Variants in C2orf69 observed in about 807,000 individuals in gnomAD.
C2orf69 encodes mitochondrial protein C2orf69.
In C2orf69, 19 loss-of-function variants were observed where a neutral mutation model predicts 29.5. That is an observed-to-expected ratio of 0.65 (90% CI 0.45 to 0.95). C2orf69 has a LOEUF of 0.95. C2orf69 is among the 40% of genes least tolerant of loss of function. The pLI is 0.00. For missense variants in C2orf69, 416 were observed against 482.1 expected, an observed-to-expected ratio of 0.86 and a Z score of 1.28; for synonymous variants, 194 against 180.0, an observed-to-expected ratio of 1.08 and a Z score of -0.62.
At chr2:199,924,177 G>A (rs185814712) in intron 1 of C2orf69, among the ~76,000 whole-genome samples, 5 of 152,312 alleles carry the variant, frequency 3.3e-5, no homozygotes, top group African/African-American at 9.6e-5. Flanking sequence ...GAAGAATGAG[G>A]TAGGAGGATG....
At chr2:199,922,216 C>G (rs989144665) in intron 1 of C2orf69, among the ~76,000 whole-genome samples, 1 of 151,684 alleles carries the variant, frequency 6.6e-6, no homozygotes, top group Non-Finnish European at 1.5e-5. Flanking sequence ...CCACTTCAGC[C>G]TCCCGAGTAG....
Position 199,924,831 on chromosome 2 carries a change from AACTT to A in C2orf69, c.334-226_334-223del, listed in dbSNP as rs1225955809. 5.3e-5 allele frequency among the ~76,000 whole-genome samples: 8 copies of A among 152,210 alleles called. 1 individual carries two copies. The highest frequency in any genetic ancestry group is 2.6e-4 in the Admixed American group (4 of 15,288). ...ACTTTTTACTGTTTCATGTAGGTAT[AACTT>A]ACTTCCTTGTCTCTTGATAGATTTC... On this transcript the variant is annotated intron_variant, in intron 1 of 1. Coordinates refer to ENST00000319974, the MANE Select transcript of C2orf69 (RefSeq NM_153689.6).
intron 1 of C2orf69, among the ~76,000 whole-genome samples, chr2:199,922,031 T>TCATATATATATATATATATATA (rs1553566021): frequency 2.5e-5 from 2 of 78,984 alleles, no homozygotes; most frequent in East Asian, 9.5e-4. Flanking sequence ...ACTGTTATTT[T>TCATATATATATATATATATATA]TATATATATA....
intron 1 of C2orf69, among the ~76,000 whole-genome samples, chr2:199,913,052 T>A (rs1188121016): frequency 1.4e-5 from 2 of 147,582 alleles, no homozygotes; most frequent in African/African-American, 2.5e-5. Context: ...AAGATATAGA[T>A]ATAGATATAT....
intron 1 of C2orf69, among the ~76,000 whole-genome samples, chr2:199,912,142 G>T (rs62178346): frequency 0.12 from 17,950 of 152,216 alleles, 1,487 homozygotes; most frequent in Middle Eastern, 0.2. Flanking sequence ...ACAGAGCGAT[G>T]GCTTTCAAAT....
chr2:199,923,193 T>C (rs1308543336), intron 1 of C2orf69, among the ~76,000 whole-genome samples: 3 of 152,254 alleles, frequency 2.0e-5, no homozygotes, highest in African/African-American at 7.2e-5. Flanking sequence ...TGTTAAGTAA[T>C]AATTTTCCAC....
At chr2:199,923,082 C>T (rs969624874) in intron 1 of C2orf69, among the ~76,000 whole-genome samples, 1 of 152,166 alleles carries the variant, frequency 6.6e-6, no homozygotes, top group Non-Finnish European at 1.5e-5. Context: ...TTTGCAGTTA[C>T]AGTTCCTTCT....
chr2:199,920,492 TTAAC>T (rs760477051), intron 1 of C2orf69, among the ~76,000 whole-genome samples: 2 of 152,162 alleles, frequency 1.3e-5, no homozygotes, highest in Non-Finnish European at 2.9e-5. Context: ...TTTTGGCTCA[TTAAC>T]TAAATAAATA....
At chr2:199,922,029 TTTTATATA>T (rs951324303) in intron 1 of C2orf69, among the ~76,000 whole-genome samples, 1 of 26,286 alleles carries the variant, frequency 3.8e-5, no homozygotes, top group African/African-American at 1.6e-4. Context: ...CCACTGTTAT[TTTTATATA>T]TATATATATA....
Position 199,926,054 on chromosome 2 carries a change from T to C in C2orf69, c.*168T>C. 1.8e-6 allele frequency: 1 copy of C among 561,448 alleles called. No individual in the cohort carries two copies. Among genetic ancestry groups the C allele is most frequent in the South Asian group, 2.6e-5 (1 of 38,096 alleles). 34.8% of individuals were successfully genotyped at this position (561,448 alleles called of 1,614,324 possible). On this transcript the variant is annotated 3_prime_UTR_variant, in exon 2 of 2. Coordinates refer to ENST00000319974, the MANE Select transcript of C2orf69 (RefSeq NM_153689.6). ...TGTAATGTGCAATAGTATTTTTTGCTTGTGAATGTGAGCAGTTATTAATTT... is the reference window on the plus strand; with the variant it reads ...TGTAATGTGCAATAGTATTTTTTGCCTGTGAATGTGAGCAGTTATTAATTT...
At chr2:199,924,752 CTAAA>C (rs1005073308) in intron 1 of C2orf69, among the ~76,000 whole-genome samples, 18 of 152,038 alleles carry the variant, frequency 1.2e-4, no homozygotes, top group Admixed American at 8.5e-4. Context: ...TATGTATATA[CTAAA>C]TAAAATTTGT....
chr2:199,918,313 G>C (rs1242701476), intron 1 of C2orf69, among the ~76,000 whole-genome samples: 1 of 151,918 alleles, frequency 6.6e-6, no homozygotes, highest in African/African-American at 2.4e-5. Context: ...TTAAAGCCTT[G>C]GGTATATAAT....
chr2:199,923,132 A>G (rs1282656485), intron 1 of C2orf69, among the ~76,000 whole-genome samples: 1 of 152,216 alleles, frequency 6.6e-6, no homozygotes, highest in Non-Finnish European at 1.5e-5. Context: ...GAGTTCCTTC[A>G]GGTCCTTTCA....
At chr2:199,912,510 A>G (rs2077268814) in intron 1 of C2orf69, among the ~76,000 whole-genome samples, 2 of 152,234 alleles carry the variant, frequency 1.3e-5, no homozygotes, top group African/African-American at 2.4e-5. Flanking sequence ...CTGCATTTCA[A>G]GTGCTCAGTA....
rs1050353795 is a variant in C2orf69, at chr2:199,927,123, T to C, written c.*1237T>C. ...ACACTGCTACATAATTTGGGTGAAG[T>C]TTCCTTCTGCCCGTTTTTCTTGACC... On this transcript the variant is annotated 3_prime_UTR_variant, in exon 2 of 2. Transcript: ENST00000319974. 2 of 152,168 alleles carry C rather than the reference T, an allele frequency of 1.3e-5. No homozygotes were observed. The highest frequency in any genetic ancestry group is 2.9e-5 in the Non-Finnish European group (2 of 68,002). The allele number at this position is 152,168 out of a possible 1,614,324, so 9.4% of individuals were successfully genotyped here. A position where few individuals can be genotyped will look rare whatever the true frequency, so the allele number is the denominator to read the frequency against.
At chr2:199,920,787 T>C (rs1220860146) in intron 1 of C2orf69, among the ~76,000 whole-genome samples, 2 of 150,996 alleles carry the variant, frequency 1.3e-5, no homozygotes, top group Admixed American at 6.6e-5. Context: ...AAACCCCATC[T>C]CTACTAAAAA....
chr2:199,920,980 T>A (rs79351741), intron 1 of C2orf69, among the ~76,000 whole-genome samples: 104,371 of 104,374 alleles, frequency 1, 52,184 homozygotes, highest in Middle Eastern at 1. Context: ...AAAAAGTCAC[T>A]TGTTGGCCTT....
In C2orf69 at chr2:199,926,033, AT is replaced by A; in HGVS notation, c.*148del. ...CACACATTCCTAAAATGTGAGTGTA[AT>A]GTGCAATAGTATTTTTTGCTTGTGA... is the stretch of plus-strand genomic sequence containing the variant. On this transcript the variant is annotated 3_prime_UTR_variant, in exon 2 of 2. Coordinates refer to ENST00000319974, the MANE Select transcript of C2orf69 (RefSeq NM_153689.6). 8.4e-6 allele frequency: 5 copies of A among 594,618 alleles called. No individual in the cohort carries two copies. Among genetic ancestry groups the A allele is most frequent in the Non-Finnish European group, 1.5e-5 (5 of 336,982 alleles). 36.8% of individuals were successfully genotyped at this position (594,618 alleles called of 1,614,324 possible). A position where few individuals can be genotyped will look rare whatever the true frequency, so the allele number is the denominator to read the frequency against.
At chr2:199,919,177 A>AC (rs2077304641) in intron 1 of C2orf69, among the ~76,000 whole-genome samples, 1 of 151,988 alleles carries the variant, frequency 6.6e-6, no homozygotes, top group African/African-American at 2.4e-5. Context: ...CTGGTCTCAA[A>AC]CCCCGGGGGT....
Sources: allele counts gnomAD v4.1 joint callset (sites outside exome capture counted in the v4.1 genomes callset), GRCh38; gene constraint gnomAD v4.1.1; transcripts MANE v1.5; gene names NCBI Gene and HGNC (gene_info 2026-07-23, HGNC 2026-07-21).